Variants in SEMA5A observed in about 807,000 individuals in gnomAD.
SEMA5A encodes semaphorin 5A.
In SEMA5A, 55 loss-of-function variants were observed where a neutral mutation model predicts 135.5. The ratio of observed to expected loss-of-function variants is 0.41; its 90% CI spans 0.33 to 0.51. SEMA5A has a LOEUF of 0.51. Ranked by LOEUF, SEMA5A falls within the 20% of genes least tolerant of loss-of-function variation. The pLI is 0.37. For synonymous variants in SEMA5A, 580 were observed against 546.5 expected (o/e 1.06, Z -0.85); for missense variants, 1,290 against 1,419.9 (o/e 0.91, Z 1.47).
chr5:9,290,527 G>A (rs749832585), intron 5 of SEMA5A, among the ~76,000 whole-genome samples: 4 of 151,930 alleles, frequency 2.6e-5, no homozygotes, highest in East Asian at 1.9e-4. Context: ...AAGCAATTAC[G>A]GTCTCATTAA....
chr5:9,448,781 G>A (rs991155827), intron 1 of SEMA5A, among the ~76,000 whole-genome samples: 3 of 152,148 alleles, frequency 2.0e-5, no homozygotes, highest in African/African-American at 7.2e-5. Context: ...ACATCCCCGT[G>A]TGATGTTGTT....
chr5:9,089,281 G>T (rs540828058), intron 16 of SEMA5A, among the ~76,000 whole-genome samples: 8 of 152,200 alleles, frequency 5.3e-5, no homozygotes, highest in African/African-American at 9.6e-5. Context: ...CTTGGATAAT[G>T]TTTCATAACT....
intron 2 of SEMA5A, among the ~76,000 whole-genome samples, chr5:9,437,507 C>G (rs1758076138): frequency 6.6e-6 from 1 of 152,092 alleles, no homozygotes; most frequent in Non-Finnish European, 1.5e-5. Context: ...TAGGCACGCG[C>G]CACCACGCCA....
At chr5:9,303,729 C>T (rs560323360) in intron 5 of SEMA5A, among the ~76,000 whole-genome samples, 25 of 152,172 alleles carry the variant, frequency 1.6e-4, no homozygotes, top group South Asian at 8.3e-4. Context: ...TGTACAAATA[C>T]AATGTGCCAA....
At chr5:9,191,868 C>T (rs969059153) in intron 10 of SEMA5A, among the ~76,000 whole-genome samples, 1 of 151,014 alleles carries the variant, frequency 6.6e-6, no homozygotes, top group Non-Finnish European at 1.5e-5. Flanking sequence ...GGGCTCAGCC[C>T]TGCCATGACC....
In SEMA5A at chr5:9,108,082, T is replaced by C. The variant is rs1031033874; in HGVS notation, c.2073+58A>G. 9.4e-5 allele frequency: 148 copies of C among 1,577,564 alleles called. 3 individuals carry two copies. In the East Asian group the frequency reaches 1.7e-3, roughly 18 times the overall value. On this transcript the variant is annotated intron_variant, in intron 16 of 22. Transcript: ENST00000382496. Reference sequence around the variant, plus strand: ...GTGTGTGCAGAGAATTTTGTGTGTATTGAGTCTGTATTCCTGGTTCTGGAT... The same window carrying C: ...GTGTGTGCAGAGAATTTTGTGTGTACTGAGTCTGTATTCCTGGTTCTGGAT...
chr5:9,295,182 C>G (rs886473343), intron 5 of SEMA5A, among the ~76,000 whole-genome samples: 1 of 152,186 alleles, frequency 6.6e-6, no homozygotes, highest in Non-Finnish European at 1.5e-5. Flanking sequence ...CCCGCTACCC[C>G]AAATTCTTAT....
chr5:9,327,215 A>T (rs1169866170), intron 4 of SEMA5A, among the ~76,000 whole-genome samples: 5 of 152,176 alleles, frequency 3.3e-5, no homozygotes, highest in Non-Finnish European at 5.9e-5. Flanking sequence ...ATTTTAAAAT[A>T]TGGTGACAAA....
At chr5:9,209,348 GAAAATTGTCAAAACAC>G (rs1579619166) in intron 8 of SEMA5A, among the ~76,000 whole-genome samples, 1 of 152,182 alleles carries the variant, frequency 6.6e-6, no homozygotes, top group East Asian at 1.9e-4. Flanking sequence ...GAATATTTCT[GAAAATTGTCAAAACAC>G]AAAATTTCTA....
intron 1 of SEMA5A, chr5:9,498,710 G>C (rs1024512477): frequency 1.3e-5 from 2 of 149,520 alleles, no homozygotes; most frequent in Non-Finnish European, 3.0e-5. Flanking sequence ...CCATGAGCAC[G>C]TTGTCTAAGT....
At position 9,041,044 on chromosome 5, in the gene SEMA5A, ATGAG is replaced by A. The variant is rs1267227044; in HGVS notation, c.*1849_*1852del. 1 of 152,234 alleles carries A rather than the reference ATGAG, an allele frequency of 6.6e-6. No homozygotes were observed. The highest frequency in any genetic ancestry group is 1.5e-5 in the Non-Finnish European group (1 of 68,046). The allele number at this position is 152,234 out of a possible 1,614,324, so 9.4% of individuals were successfully genotyped here. A position where few individuals can be genotyped will look rare whatever the true frequency, so the allele number is the denominator to read the frequency against. On this transcript the variant is annotated 3_prime_UTR_variant, in exon 23 of 23. Transcript: ENST00000382496. ...GACAGAAGACTCTGACATATGAGGA[ATGAG>A]TGAGAGGCAACATGAAGTCCCCACT...
At chr5:9,140,705 A>C (rs1742020570) in intron 12 of SEMA5A, among the ~76,000 whole-genome samples, 1 of 152,208 alleles carries the variant, frequency 6.6e-6, no homozygotes, top group South Asian at 2.1e-4. Flanking sequence ...TGTATATCAC[A>C]TATGGGAATT....
intron 5 of SEMA5A, among the ~76,000 whole-genome samples, chr5:9,267,638 C>T (rs1379845946): frequency 2.0e-5 from 3 of 152,158 alleles, no homozygotes; most frequent in African/African-American, 7.2e-5. Flanking sequence ...TCTGATTCCT[C>T]TGACTGCCCT....
intron 4 of SEMA5A, among the ~76,000 whole-genome samples, chr5:9,326,833 T>A (rs910530273): frequency 6.6e-6 from 1 of 152,186 alleles, no homozygotes; most frequent in African/African-American, 2.4e-5. Flanking sequence ...TAAAGTGTTG[T>A]AAAATTAGTT....
In SEMA5A at chr5:9,469,568, G is replaced by A. The variant is rs183902974; in HGVS notation, c.-174-31716C>T. On this transcript the variant is annotated intron_variant, in intron 1 of 22. Transcript: ENST00000382496. ...GAGGCTCAAAAAGATTCACTCACTC[G>A]CTCCAGGTCATTGATCCTAGGTTTG... Among the ~76,000 whole-genome samples, 102 of 152,210 alleles carry A rather than the reference G, an allele frequency of 6.7e-4. 1 individual carries two copies. The highest frequency in any genetic ancestry group is 6.4e-3 in the South Asian group (31 of 4,820).
intron 1 of SEMA5A, among the ~76,000 whole-genome samples, chr5:9,463,824 C>A (rs1561274069): frequency 6.6e-6 from 1 of 152,168 alleles, no homozygotes. Flanking sequence ...GGAATGTGTT[C>A]TCATCTGGCT....
At chr5:9,289,362 T>C (rs10060430) in intron 5 of SEMA5A, among the ~76,000 whole-genome samples, 71 of 152,342 alleles carry the variant, frequency 4.7e-4, no homozygotes, top group African/African-American at 1.6e-3. Context: ...TTTATATTAA[T>C]TTTTAGTTTA....
intron 11 of SEMA5A, among the ~76,000 whole-genome samples, chr5:9,159,073 C>T (rs1225722498): frequency 6.6e-6 from 1 of 152,096 alleles, no homozygotes; most frequent in African/African-American, 2.4e-5. Flanking sequence ...TATATGGCAG[C>T]CCTATTACAT....
At chr5:9,218,902 A>G (rs766623769) in intron 8 of SEMA5A, among the ~76,000 whole-genome samples, 34 of 152,208 alleles carry the variant, frequency 2.2e-4, no homozygotes, top group Non-Finnish European at 1.2e-4. Context: ...ACTCCCTACT[A>G]CATCTCAGAC....
Sources: gnomAD v4.1 joint callset for allele counts (sites outside exome capture counted in the v4.1 genomes callset) on GRCh38, gnomAD v4.1.1 for gene constraint, MANE v1.5 for transcripts, NCBI Gene and HGNC (gene_info 2026-07-23, HGNC 2026-07-21) for gene names.